Variants in DLGAP2 observed in about 807,000 individuals in gnomAD.
The protein encoded by DLGAP2 is DLG associated protein 2.
A neutral mutation model predicts 100.3 loss-of-function variants in DLGAP2; 26 were observed. The ratio of observed to expected loss-of-function variants is 0.26; its 90% CI spans 0.19 to 0.36. The LOEUF is 0.36. Among genes scored for constraint, DLGAP2 ranks in the 10% least tolerant of loss-of-function variants. DLGAP2 has a pLI of 1.00. For synonymous variants in DLGAP2, 886 were observed against 630.1 expected (o/e 1.41, Z -6.08); for missense variants, 1,858 against 1,453.2 (o/e 1.28, Z -4.53).
chr8:1,159,226 T>C (rs1365677709), intron 2 of DLGAP2, among the ~76,000 whole-genome samples: 2 of 152,256 alleles, frequency 1.3e-5, no homozygotes, highest in African/African-American at 4.8e-5. Flanking sequence ...GCAATTGTTT[T>C]GGTTCTTGTT....
chr8:1,484,178 C>G (rs1187589444), intron 3 of DLGAP2, among the ~76,000 whole-genome samples: 1 of 152,234 alleles, frequency 6.6e-6, no homozygotes, highest in African/African-American at 2.4e-5. Context: ...GCCACAGCCT[C>G]CTGGGCTCTG....
At chr8:1,494,812 A>C (rs1269822395) in intron 3 of DLGAP2, among the ~76,000 whole-genome samples, 1 of 152,122 alleles carries the variant, frequency 6.6e-6, no homozygotes, top group Non-Finnish European at 1.5e-5. Flanking sequence ...CACAGAGCAC[A>C]CAGAGCTCCA....
intron 3 of DLGAP2, among the ~76,000 whole-genome samples, chr8:1,382,496 G>A (rs1399760414): frequency 1.3e-5 from 2 of 152,240 alleles, no homozygotes; most frequent in Non-Finnish European, 2.9e-5. Flanking sequence ...AGCGCTTTGG[G>A]AGGCAGGGGC....
chr8:1,298,834 G>C lies in DLGAP2; in HGVS notation c.106+39951G>C, dbSNP rs146020394. On this transcript the variant is annotated intron_variant, in intron 3 of 14. Transcript: ENST00000637795. ...CGCTGGCCGTGGCAGCTCATGAACA[G>C]GTGCTGGTAATTCGAATGTCCCAGC... is the stretch of plus-strand genomic sequence containing the variant. 2.9e-3 allele frequency among the ~76,000 whole-genome samples: 449 copies of C among 152,312 alleles called. 2 individuals are homozygous for C. The highest frequency in any genetic ancestry group is 4.8e-3 in the Non-Finnish European group (324 of 68,042).
chr8:808,534 A>C (rs1796310468), intron 1 of DLGAP2, among the ~76,000 whole-genome samples: 1 of 152,162 alleles, frequency 6.6e-6, no homozygotes, highest in Admixed American at 6.5e-5. Context: ...TCTGAATGGA[A>C]CCACAGAAAC....
At chr8:886,791 C>A (rs116470293) in intron 1 of DLGAP2, among the ~76,000 whole-genome samples, 1 of 152,108 alleles carries the variant, frequency 6.6e-6, no homozygotes. Context: ...CTTCCAATTA[C>A]GTGGCTGATT....
At chr8:953,063 C>G (rs1799518184) in intron 2 of DLGAP2, among the ~76,000 whole-genome samples, 1 of 152,158 alleles carries the variant, frequency 6.6e-6, no homozygotes, top group South Asian at 2.1e-4. Context: ...GCTGACAGAT[C>G]CTATACAACA....
chr8:1,495,080 G>A (rs900831449), intron 3 of DLGAP2, among the ~76,000 whole-genome samples: 2 of 152,184 alleles, frequency 1.3e-5, no homozygotes, highest in African/African-American at 4.8e-5. Flanking sequence ...ACACCAGGTG[G>A]CAGCTCAGCC....
At chr8:1,283,706 C>G (rs982129236) in intron 3 of DLGAP2, among the ~76,000 whole-genome samples, 1 of 152,124 alleles carries the variant, frequency 6.6e-6, no homozygotes, top group Non-Finnish European at 1.5e-5. Flanking sequence ...TGTTCATGCC[C>G]TTTGGTCTTG....
At chr8:1,536,074 G>A (rs149413670) in intron 4 of DLGAP2, among the ~76,000 whole-genome samples, 9 of 152,278 alleles carry the variant, frequency 5.9e-5, no homozygotes, top group East Asian at 3.9e-4. Context: ...GAATTAAACC[G>A]TTTGTGACAG....
intron 2 of DLGAP2, among the ~76,000 whole-genome samples, chr8:1,152,845 C>A (rs1015563578): frequency 1.3e-5 from 2 of 152,202 alleles, no homozygotes; most frequent in African/African-American, 4.8e-5. Flanking sequence ...CTGCCGTGTT[C>A]TTCCACAAAA....
chr8:1,156,523 G>C (rs758517312), intron 2 of DLGAP2, among the ~76,000 whole-genome samples: 1 of 152,146 alleles, frequency 6.6e-6, no homozygotes, highest in African/African-American at 2.4e-5. Flanking sequence ...GGCGTCTTTA[G>C]GAGTGGCCCC....
chr8:1,151,603 G>A (rs1450945203), intron 2 of DLGAP2, among the ~76,000 whole-genome samples: 1 of 152,194 alleles, frequency 6.6e-6, no homozygotes, highest in Non-Finnish European at 1.5e-5. Context: ...CCTTCGCAAG[G>A]GGAAATGAGT....
chr8:751,981 G>GC (rs952891353), intron 1 of DLGAP2, among the ~76,000 whole-genome samples: 1 of 152,096 alleles, frequency 6.6e-6, no homozygotes, highest in Admixed American at 6.5e-5. Context: ...CTTTTTTCAG[G>GC]CCCATTTTTT....
intron 2 of DLGAP2, among the ~76,000 whole-genome samples, chr8:1,137,005 G>A (rs1052265753): frequency 3.9e-5 from 6 of 152,216 alleles, no homozygotes; most frequent in Admixed American, 1.3e-4. Flanking sequence ...CACTGTGCTA[G>A]CTCAGGCCAT....
At chr8:1,176,797 G>A (rs1042036548) in intron 2 of DLGAP2, among the ~76,000 whole-genome samples, 4 of 152,174 alleles carry the variant, frequency 2.6e-5, no homozygotes, top group Non-Finnish European at 4.4e-5. Flanking sequence ...CTCGGTTGGA[G>A]GCAGGCCTGG....
chr8:1,361,148 C>A (rs539567676), intron 3 of DLGAP2, among the ~76,000 whole-genome samples: 24 of 152,308 alleles, frequency 1.6e-4, no homozygotes, highest in African/African-American at 5.8e-4. Context: ...TGCCTGGGGC[C>A]TCACCACACC....
chr8:1,270,227 G>C (rs942173593), intron 3 of DLGAP2, among the ~76,000 whole-genome samples: 1 of 152,128 alleles, frequency 6.6e-6, no homozygotes, highest in African/African-American at 2.4e-5. Context: ...GAGAATATGA[G>C]AGCTGTGAAC....
Position 1,150,276 on chromosome 8 carries a change from G to T in DLGAP2, c.74-108575G>T, listed in dbSNP as rs538393460. On this transcript the variant is annotated intron_variant, in intron 2 of 14. Coordinates refer to ENST00000637795, the MANE Select transcript of DLGAP2 (RefSeq NM_001346810.2). ...TGTAAGTTGGCAGTTATCTGTTTCA[G>T]CCTTTTAAAGCTGTCATTACACTGT... 2.0e-5 allele frequency among the ~76,000 whole-genome samples: 3 copies of T among 152,302 alleles called. No homozygotes were observed. The South Asian group carries it at 6.2e-4, about 32-fold the overall frequency.
Sources: allele counts gnomAD v4.1 joint callset (sites outside exome capture counted in the v4.1 genomes callset), GRCh38; gene constraint gnomAD v4.1.1; transcripts MANE v1.5; gene names NCBI Gene and HGNC (gene_info 2026-07-23, HGNC 2026-07-21).